The following CA5A variants were observed in gnomAD, a reference collection of about 807,000 sequenced individuals.
CA5A encodes carbonic anhydrase 5A, mitochondrial.
In CA5A, 28 loss-of-function variants were observed where a neutral mutation model predicts 37.1. The observed-to-expected ratio is 0.75, with a 90% CI of 0.56 to 1.03. The LOEUF is 1.03. Among genes scored for constraint, CA5A ranks in the 50% least tolerant of loss-of-function variants. The probability of loss-of-function intolerance (pLI) is 0.00; values close to 1 mark genes in which losing one functional copy is unlikely to be tolerated. For missense variants in CA5A, 444 were observed against 399.9 expected, an observed-to-expected ratio of 1.11 and a Z score of -0.94; for synonymous variants, 171 against 158.4, an observed-to-expected ratio of 1.08 and a Z score of -0.60.
At chr16:87,931,904 C>T (rs771132650) in intron 1 of CA5A, among the ~76,000 whole-genome samples, 6 of 152,242 alleles carry the variant, frequency 3.9e-5, no homozygotes, top group South Asian at 2.1e-4. Flanking sequence ...TAATTCAGAA[C>T]GACACCAGCA....
intron 5 of CA5A, among the ~76,000 whole-genome samples, chr16:87,896,249 G>A (rs1272927351): frequency 6.6e-6 from 1 of 152,230 alleles, no homozygotes; most frequent in Non-Finnish European, 1.5e-5. Context: ...AAGGCTGCAG[G>A]AATCAGTCAG....
intron 1 of CA5A, 131 bp from the exon 2 acceptor site, chr16:87,927,076 G>C: frequency 1.5e-6 from 1 of 662,462 alleles, no homozygotes; most frequent in Non-Finnish European, 2.6e-6. Context: ...CACGGGAAAC[G>C]GGCGCGTGGG....
At chr16:87,917,263 T>C (rs575989692) in intron 2 of CA5A, among the ~76,000 whole-genome samples, 18 of 152,112 alleles carry the variant, frequency 1.2e-4, no homozygotes, top group Non-Finnish European at 2.5e-4. Context: ...ACTCAAACCA[T>C]GCTGGACCAA....
chr16:87,894,976 G>C (rs537719002), intron 5 of CA5A, among the ~76,000 whole-genome samples: 1 of 152,090 alleles, frequency 6.6e-6, no homozygotes, highest in Non-Finnish European at 1.5e-5. Context: ...CTGGTTGGGC[G>C]CAATGGATCA....
At chr16:87,906,746 C>T (rs1344745014) in intron 2 of CA5A, among the ~76,000 whole-genome samples, 5 of 152,228 alleles carry the variant, frequency 3.3e-5, no homozygotes, top group Admixed American at 3.3e-4. Flanking sequence ...GAGCTGCTCA[C>T]TGCCCCTCTT....
chr16:87,891,496 G>C (rs922604785), intron 6 of CA5A, among the ~76,000 whole-genome samples: 2 of 151,590 alleles, frequency 1.3e-5, no homozygotes, highest in African/African-American at 4.8e-5. Context: ...AAAAGAAAAA[G>C]GAAGAAAACA....
At chr16:87,916,241 G>C (rs2144022844) in intron 2 of CA5A, among the ~76,000 whole-genome samples, 1 of 152,162 alleles carries the variant, frequency 6.6e-6, no homozygotes, top group East Asian at 1.9e-4. Context: ...AGCACTTTGG[G>C]AGGCTGAGGT....
chr16:87,917,768 ATG>A (rs1404683764), intron 2 of CA5A, among the ~76,000 whole-genome samples: 3 of 97,856 alleles, frequency 3.1e-5, no homozygotes, highest in African/African-American at 2.6e-4. Flanking sequence ...CACAGTGCAC[ATG>A]TGCACACATG....
intron 5 of CA5A, among the ~76,000 whole-genome samples, chr16:87,895,438 G>C (rs1346961431): frequency 6.6e-6 from 1 of 152,166 alleles, no homozygotes; most frequent in Non-Finnish European, 1.5e-5. Flanking sequence ...CCAGCTACTC[G>C]GGAGGCTGAG....
chr16:87,896,228 C>T (rs546458328), intron 5 of CA5A, among the ~76,000 whole-genome samples: 2 of 152,366 alleles, frequency 1.3e-5, no homozygotes, highest in East Asian at 3.9e-4. Flanking sequence ...CGGGCTCTTC[C>T]TTCCCTCCCC....
At chr16:87,929,311 G>C (rs1030779575) in intron 1 of CA5A, among the ~76,000 whole-genome samples, 12 of 151,370 alleles carry the variant, frequency 7.9e-5, no homozygotes, top group African/African-American at 2.4e-4. Flanking sequence ...AATTAGCCAG[G>C]CGTGGTGGCT....
intron 2 of CA5A, among the ~76,000 whole-genome samples, chr16:87,919,171 CAG>C (rs1460705599): frequency 2.0e-5 from 3 of 152,204 alleles, no homozygotes; most frequent in Non-Finnish European, 4.4e-5. Flanking sequence ...CGCTGGGAGA[CAG>C]AGACAGCAGC....
At chr16:87,901,809 A>T in intron 5 of CA5A, 103 bp downstream of exon 5, 1 of 893,520 alleles carries the variant, frequency 1.1e-6, no homozygotes, top group Non-Finnish European at 1.8e-6. Context: ...CTGGTCTCGA[A>T]CTCCCAACCT....
intron 1 of CA5A, among the ~76,000 whole-genome samples, chr16:87,934,381 C>A (rs530604359): frequency 6.6e-6 from 1 of 152,272 alleles, no homozygotes; most frequent in South Asian, 2.1e-4. Context: ...CCACCCTGAG[C>A]AACATGGAGA....
chr16:87,936,397 C>A lies in CA5A; in HGVS notation c.54G>T (p.Gln18His), dbSNP rs2056471833. The A allele has an allele frequency of 6.2e-7, 1 of 1,614,116 alleles. No homozygotes were observed. The highest frequency in any genetic ancestry group is 8.5e-7 in the Non-Finnish European group (1 of 1,179,988). ...AACGACTCCAGAGAGGGGCCCACAT[C>A]TGCTCAACCAAGAAGGAGAAAGCTG... ...KTSAFSFLVEQMWAPLWSRSM... is the reference protein window; with the variant it reads ...KTSAFSFLVEHMWAPLWSRSM... The change falls in exon 1 of 7, where the codon CAG (glutamine) becomes CAT (histidine). Residue 18 changes from glutamine to histidine, a missense_variant. Transcript: ENST00000649794.
chr16:87,916,806 A>C (rs890708711), intron 2 of CA5A, among the ~76,000 whole-genome samples: 14 of 152,156 alleles, frequency 9.2e-5, no homozygotes, highest in African/African-American at 3.4e-4. Flanking sequence ...CTGGACGATC[A>C]GAAATGGGCT....
At chr16:87,884,005 G>A (rs1036617014), downstream of CA5A, 78 of 152,096 alleles carry the variant, frequency 5.1e-4, no homozygotes, top group African/African-American at 1.9e-3. Flanking sequence ...AAACAGATTA[G>A]CATCTGCTTA....
chr16:87,917,622 C>G (rs930324084), intron 2 of CA5A, among the ~76,000 whole-genome samples: 2 of 150,182 alleles, frequency 1.3e-5, no homozygotes, highest in Admixed American at 6.6e-5. Flanking sequence ...TGTGCACACA[C>G]AAACACACAT....
chr16:87,932,174 G>T (rs922277165), intron 1 of CA5A, among the ~76,000 whole-genome samples: 2 of 152,066 alleles, frequency 1.3e-5, no homozygotes, highest in Non-Finnish European at 2.9e-5. Context: ...CGGGAAGCAG[G>T]ATTGAGTGCA....
Sources: gnomAD v4.1 joint callset for allele counts (sites outside exome capture counted in the v4.1 genomes callset) on GRCh38, gnomAD v4.1.1 for gene constraint, MANE v1.5 for transcripts, NCBI Gene and HGNC (gene_info 2026-07-23, HGNC 2026-07-21) for gene names.